The following DLG2 variants were observed in gnomAD, a reference collection of about 807,000 sequenced individuals.
DLG2 encodes the protein disks large homolog 2.
Under a neutral mutation model 132.5 loss-of-function variants are expected in DLG2, and 45 were observed. The ratio of observed to expected loss-of-function variants is 0.34; its 90% CI spans 0.27 to 0.44. DLG2 has a LOEUF of 0.44. DLG2 is among the 20% of genes least tolerant of loss of function. The pLI, the probability that DLG2 is intolerant of heterozygous loss-of-function variation, is 1.00. For synonymous variants in DLG2, 424 were observed against 419.6 expected (o/e 1.01, Z -0.13); for missense variants, 1,045 against 1,196.9 (o/e 0.87, Z 1.87).
intron 6 of DLG2, among the ~76,000 whole-genome samples, chr11:84,945,447 C>A (rs2050074946): frequency 6.6e-6 from 1 of 152,180 alleles, no homozygotes; most frequent in Admixed American, 6.5e-5. Flanking sequence ...CTGCCTGGAG[C>A]TATGGAGGGA....
chr11:84,036,924 A>G (rs1382799114), intron 11 of DLG2, among the ~76,000 whole-genome samples: 2 of 152,138 alleles, frequency 1.3e-5, no homozygotes, highest in Non-Finnish European at 1.5e-5. Context: ...TTTAGCTTCC[A>G]AGGACTCATG....
chr11:85,026,830 C>G (rs983006028), intron 6 of DLG2, among the ~76,000 whole-genome samples: 1 of 151,858 alleles, frequency 6.6e-6, no homozygotes, highest in Non-Finnish European at 1.5e-5. Context: ...GAGCAAGACT[C>G]TGTCTCAAAA....
intron 6 of DLG2, among the ~76,000 whole-genome samples, chr11:84,852,071 C>A (rs2082228369): frequency 1.3e-5 from 2 of 151,980 alleles, no homozygotes; most frequent in African/African-American, 4.8e-5. Context: ...ATACAAATTC[C>A]AGATCTATAT....
At chr11:85,007,967 A>C (rs1354179345) in intron 6 of DLG2, among the ~76,000 whole-genome samples, 2 of 152,152 alleles carry the variant, frequency 1.3e-5, no homozygotes, top group East Asian at 3.9e-4. Context: ...CAAAGGTTAC[A>C]CATTGTGTGT....
intron 7 of DLG2, 50 bp from the exon 8 acceptor site, chr11:84,251,341 G>A: frequency 7.4e-7 from 1 of 1,347,902 alleles, no homozygotes; most frequent in Non-Finnish European, 1.0e-6. Flanking sequence ...TGTATTCTGA[G>A]ACAGATTATT....
chr11:85,305,614 T>G (rs2079887756), intron 3 of DLG2, among the ~76,000 whole-genome samples: 1 of 151,998 alleles, frequency 6.6e-6, no homozygotes, highest in African/African-American at 2.4e-5. Context: ...CCGGGTTTAC[T>G]CCATTCTCCT....
chr11:84,677,982 A>G (rs928549912), intron 6 of DLG2, among the ~76,000 whole-genome samples: 2 of 152,118 alleles, frequency 1.3e-5, no homozygotes, highest in Non-Finnish European at 2.9e-5. Flanking sequence ...AAAATTCTTC[A>G]GAGACTGAAG....
chr11:83,461,936 C>G, intron 27 of DLG2, 66 bp downstream of exon 27: 1 of 1,098,452 alleles, frequency 9.1e-7, no homozygotes, highest in Non-Finnish European at 1.4e-6. Context: ...GCCCAGAACC[C>G]TCTCTGTGCC....
chr11:84,963,141 G>C (rs1241263435), intron 6 of DLG2, among the ~76,000 whole-genome samples: 1 of 152,102 alleles, frequency 6.6e-6, no homozygotes, highest in East Asian at 1.9e-4. Context: ...AATAATTTCA[G>C]GATCTCATAA....
At chr11:85,083,861 G>C in intron 6 of DLG2, among the ~76,000 whole-genome samples, 1 of 152,010 alleles carries the variant, frequency 6.6e-6, no homozygotes, top group Admixed American at 6.6e-5. Context: ...TAAATTCTAA[G>C]GGGAGGAAGG....
chr11:85,114,978 TA>T (rs1336436889), intron 5 of DLG2, among the ~76,000 whole-genome samples: 3 of 151,986 alleles, frequency 2.0e-5, no homozygotes, highest in Non-Finnish European at 2.9e-5. Context: ...AATTTTGACC[TA>T]AATGTTTCAT....
intron 6 of DLG2, among the ~76,000 whole-genome samples, chr11:84,788,100 CAAAAAAA>C (rs139086655): frequency 2.4e-4 from 11 of 45,670 alleles, no homozygotes; most frequent in South Asian, 2.6e-3. Context: ...GAATATGTCT[CAAAAAAA>C]AAAAAAAAAA....
intron 3 of DLG2, among the ~76,000 whole-genome samples, chr11:85,386,734 T>C (rs1445918863): frequency 6.6e-6 from 1 of 151,260 alleles, no homozygotes; most frequent in Non-Finnish European, 1.5e-5. Context: ...TTTCTGTTTG[T>C]AGCTGTGCCT....
intron 11 of DLG2, among the ~76,000 whole-genome samples, chr11:84,021,428 A>C (rs976173221): frequency 2.0e-5 from 3 of 152,272 alleles, no homozygotes; most frequent in Non-Finnish European, 4.4e-5. Context: ...ATTCTTGACG[A>C]AAGAGCTGAC....
intron 4 of DLG2, among the ~76,000 whole-genome samples, chr11:85,199,015 A>G (rs558858526): frequency 1.1e-4 from 17 of 152,322 alleles, no homozygotes; most frequent in South Asian, 4.1e-4. Flanking sequence ...GCAGTACTAT[A>G]AAGTTAAATA....
At chr11:85,114,896 T>C (rs565978692) in intron 5 of DLG2, among the ~76,000 whole-genome samples, 4 of 152,022 alleles carry the variant, frequency 2.6e-5, no homozygotes, top group East Asian at 1.9e-4. Context: ...GAAATGCTTA[T>C]ATATACATTG....
intron 6 of DLG2, among the ~76,000 whole-genome samples, chr11:84,915,248 A>G (rs1042801848): frequency 2.6e-5 from 4 of 152,078 alleles, no homozygotes; most frequent in Non-Finnish European, 5.9e-5. Context: ...AAGCGGGTCA[A>G]TATGAATTGT....
In DLG2 at chr11:84,438,717, A is replaced by G. The variant is rs1359719902; in HGVS notation, c.519+95853T>C. Among the ~76,000 whole-genome samples, 4 of 152,210 alleles carry G rather than the reference A, an allele frequency of 2.6e-5. No individual in the cohort carries two copies. The East Asian group carries it at 7.7e-4, about 29-fold the overall frequency. On this transcript the variant is annotated intron_variant, in intron 7 of 27. Coordinates refer to ENST00000376104, the MANE Select transcript of DLG2 (RefSeq NM_001142699.3). ...AGACAACTGTTTCTTCCAATGAGAG[A>G]TAAGGTTTTAGCCCTTTGCCAGTCC...
At chr11:83,937,082 A>G (rs563762015) in intron 14 of DLG2, among the ~76,000 whole-genome samples, 7 of 152,232 alleles carry the variant, frequency 4.6e-5, no homozygotes, top group African/African-American at 1.4e-4. Flanking sequence ...AAAATTTTTA[A>G]TTGAACTCAT....
Sources: gnomAD v4.1 joint callset for allele counts (sites outside exome capture counted in the v4.1 genomes callset) on GRCh38, gnomAD v4.1.1 for gene constraint, MANE v1.5 for transcripts, NCBI Gene and HGNC (gene_info 2026-07-23, HGNC 2026-07-21) for gene names.